Variants in KCTD19 observed in about 807,000 individuals in gnomAD.
KCTD19 encodes BTB/POZ domain-containing protein KCTD19.
KCTD19 carries 67 observed loss-of-function variants against 103.5 expected under a neutral mutation model. That is an observed-to-expected ratio of 0.65 (90% confidence interval 0.53 to 0.79). The LOEUF is 0.79. Ranked by LOEUF, KCTD19 falls within the 30% of genes least tolerant of loss-of-function variation. KCTD19 has a pLI of 0.00. For missense variants in KCTD19, 980 were observed against 1,136.1 expected (o/e 0.86, Z 1.98); for synonymous variants, 439 against 452.2 (o/e 0.97, Z 0.37).
intron 4 of KCTD19, 101 bp from the exon 5 acceptor site, chr16:67,302,023 G>A: frequency 9.5e-7 from 1 of 1,047,122 alleles, no homozygotes; most frequent in Non-Finnish European, 1.4e-6. Flanking sequence ...CTTATCCTAG[G>A]TTCTCCTTGT....
chr16:67,296,544 G>A (rs1286115359), intron 7 of KCTD19, among the ~76,000 whole-genome samples: 2 of 152,136 alleles, frequency 1.3e-5, no homozygotes, highest in South Asian at 2.1e-4. Context: ...AGCTGCCTCC[G>A]GTTTCTGGTT....
intron 6 of KCTD19, among the ~76,000 whole-genome samples, chr16:67,298,376 T>C (rs2036792631): frequency 6.6e-6 from 1 of 152,100 alleles, no homozygotes; most frequent in Admixed American, 6.6e-5. Flanking sequence ...GAGCTGAGCT[T>C]GACTTATTTC....
intron 2 of KCTD19, among the ~76,000 whole-genome samples, chr16:67,315,269 C>T (rs920798944): frequency 1.3e-5 from 2 of 151,240 alleles, no homozygotes; most frequent in Admixed American, 6.6e-5. Context: ...AGTGGGCCAA[C>T]GAGCCACTAT....
chr16:67,307,745 G>A (rs1327386588), intron 2 of KCTD19, among the ~76,000 whole-genome samples: 1 of 152,064 alleles, frequency 6.6e-6, no homozygotes, highest in African/African-American at 2.4e-5. Flanking sequence ...TGAACCACTG[G>A]GCCAGACCCA....
In KCTD19 at chr16:67,303,249, G is replaced by T. The variant is rs1329161068; in HGVS notation, c.540C>A (p.Asp180Glu). 6.2e-7 allele frequency: 1 copy of T among 1,614,122 alleles called. No homozygotes were observed. Among genetic ancestry groups the T allele is most frequent in the Admixed American group, 1.7e-5 (1 of 60,020 alleles). Residue 180 changes from aspartate (D) to glutamate (E), a missense_variant, in exon 4 of 16, where the codon GAC becomes GAA. Asp to Glu is a conservative substitution (Grantham distance 45). Transcript: ENST00000304372. The surrounding 1 kb of genome is among the most constrained non-coding windows in gnomAD (Gnocchi z 4.3). Reference protein sequence around the residue: ...EEVHYCFLPLDLVAKYPSLVT... With the variant: ...EEVHYCFLPLELVAKYPSLVT... ...CTAGGCTGGGATATTTGGCCACCAG[G>T]TCTAGGGGCAGGAAGCAGTAGTGCA...
Position 67,320,802 on chromosome 16 carries a change from G to C in KCTD19, c.87C>G (p.Ser29Arg). ...GGGAGTCTGGAAACTGAGAGAGTTT[G>C]CTTCTGGGAACTGAGAAATGCCAGC... ...VGGWHFSVPRSKLSQFPDSLL... is the reference protein window; with the variant it reads ...VGGWHFSVPRRKLSQFPDSLL... Residue 29 changes from serine to arginine, a missense_variant, in exon 2 of 16, where the codon AGC becomes AGG. Transcript: ENST00000304372. This position sits in a 1 kb window ranked among gnomAD's most constrained non-coding sequence, Gnocchi z 4.0. 1 of 1,614,156 alleles carries C rather than the reference G, an allele frequency of 6.2e-7. No individual in the cohort carries two copies.
chr16:67,297,424 T>A, intron 7 of KCTD19, 79 bp downstream of exon 7: 1 of 1,413,964 alleles, frequency 7.1e-7, no homozygotes, highest in Non-Finnish European at 9.8e-7. Context: ...TTCCTCGTCC[T>A]GGCCACATCA....
chr16:67,321,251 A>T (rs2037070078), intron 1 of KCTD19, among the ~76,000 whole-genome samples: 1 of 152,238 alleles, frequency 6.6e-6, no homozygotes, highest in Non-Finnish European at 1.5e-5. Flanking sequence ...AATATTTAAA[A>T]ATGTTGTATT....
In KCTD19 at chr16:67,293,772, C is replaced by T. The variant is rs756647138; in HGVS notation, c.1990G>A (p.Glu664Lys). ...AAGGGGAGCTGCAGGGTGGCCTCCT[C>T]CAAGGGGCTGCTCCGTGTGGCTGTC... The part of the protein sequence containing the change: ...PLTATRSSPL[E>K]EATLQLPLGS... Residue 664 changes from glutamate to lysine, a missense_variant, in exon 12 of 16, where the codon GAG (glutamate) becomes AAG (lysine). Physicochemically the swap from Glu to Lys is moderately conservative, Grantham distance 56 (BLOSUM62 1). Coordinates refer to ENST00000304372, the MANE Select transcript of KCTD19 (RefSeq NM_001100915.3). This position sits in a 1 kb window ranked among gnomAD's most constrained non-coding sequence, Gnocchi z 4.0. The T allele has an allele frequency of 1.2e-5, 19 of 1,613,774 alleles. No individual in the cohort carries two copies. The highest frequency in any genetic ancestry group is 1.6e-5 in the Non-Finnish European group (19 of 1,180,038).
In KCTD19 at chr16:67,295,063, A is replaced by C; in HGVS notation, c.1392-7T>G. 1.9e-6 allele frequency: 3 copies of C among 1,612,980 alleles called. No homozygotes were observed. Among genetic ancestry groups the C allele is most frequent in the Non-Finnish European group, 2.5e-6 (3 of 1,178,982 alleles). The stretch of plus-strand genomic sequence containing the variant: ...GCAGAAGAGGGGCCATTCCCTGCAA[A>C]CAACAAGGAGATATCCAGCTGGGCA... On this transcript the variant is annotated splice_polypyrimidine_tract_variant and splice_region_variant and intron_variant, in intron 9 of 15. Coordinates refer to ENST00000304372, the MANE Select transcript of KCTD19 (RefSeq NM_001100915.3).
Position 67,302,025 on chromosome 16 carries a change from T to C in KCTD19, c.644-103A>G. On this transcript the variant is annotated intron_variant, in intron 4 of 15. Coordinates refer to ENST00000304372, the MANE Select transcript of KCTD19 (RefSeq NM_001100915.3). ...TCTGGTGCTGTAACTTATCCTAGGT[T>C]CTCCTTGTTCTGAAACAACTTATCA... 2.9e-6 allele frequency: 3 copies of C among 1,044,248 alleles called. No homozygotes were observed. The South Asian group carries it at 4.3e-5, about 15-fold the overall frequency. The allele number at this position is 1,044,248 out of a possible 1,614,324, so 64.7% of individuals were successfully genotyped here.
chr16:67,289,811 G>A (rs1393569199), intron 15 of KCTD19, 129 bp from the exon 16 acceptor site: 5 of 641,376 alleles, frequency 7.8e-6, no homozygotes, highest in Non-Finnish European at 1.4e-5. Flanking sequence ...TGATGCTCTA[G>A]GGCCCAGCTC....
At position 67,301,799 on chromosome 16, in the gene KCTD19, A is replaced by G; in HGVS notation, c.767T>C (p.Met256Thr). The change falls in exon 5 of 16, where the codon ATG becomes ACG. Residue 256 changes from methionine to threonine, a missense_variant. Coordinates refer to ENST00000304372, the MANE Select transcript of KCTD19 (RefSeq NM_001100915.3). ...GTTTCCTGGCGACATACCCATGTTCATCCGGTACCACCTTACGGCTTCAGT... is the reference window on the plus strand; with the variant it reads ...GTTTCCTGGCGACATACCCATGTTCGTCCGGTACCACCTTACGGCTTCAGT... ...ALTEAVRWYRMNMGGCSPTTC... is the reference protein window; with the variant it reads ...ALTEAVRWYRTNMGGCSPTTC... The G allele has an allele frequency of 6.2e-7, 1 of 1,614,066 alleles. No individual in the cohort carries two copies. Among genetic ancestry groups the G allele is most frequent in the Non-Finnish European group, 8.5e-7 (1 of 1,179,958 alleles).
chr16:67,303,136 G>T lies in KCTD19; in HGVS notation c.643+10C>A. The T allele has an allele frequency of 6.3e-7, 1 of 1,588,856 alleles. No individual in the cohort carries two copies. The highest frequency in any genetic ancestry group is 8.6e-7 in the Non-Finnish European group (1 of 1,163,874). ...CCCGCCCCCCACCCCACCCCGGACAGAGCAATCACCAATGAAGCGGAACTC... is the reference window on the plus strand; with the variant it reads ...CCCGCCCCCCACCCCACCCCGGACATAGCAATCACCAATGAAGCGGAACTC... On this transcript the variant is annotated intron_variant, in intron 4 of 15. Coordinates refer to ENST00000304372, the MANE Select transcript of KCTD19 (RefSeq NM_001100915.3). This position sits in a 1 kb window ranked among gnomAD's most constrained non-coding sequence, Gnocchi z 4.3.
In KCTD19 at chr16:67,289,590, T is replaced by G; in HGVS notation, c.2760A>C (p.Gly920=). The G allele has an allele frequency of 6.2e-7, 1 of 1,613,276 alleles. No individual in the cohort carries two copies. ...LSRSVSYSIL[G]KYLQED ...CACCCTAGTCCTCTTGTAGGTACTT[T>G]CCCAGGATGGAGTAAGAGACAGACC... is the stretch of plus-strand genomic sequence containing the variant. Residue 920 remains glycine, a synonymous_variant, in exon 16 of 16, where the codon GGA becomes GGC. Transcript: ENST00000304372.
Position 67,297,676 on chromosome 16 carries a change from A to G in KCTD19, c.987-13T>C. On this transcript the variant is annotated splice_polypyrimidine_tract_variant and intron_variant, in intron 6 of 15. Coordinates refer to ENST00000304372, the MANE Select transcript of KCTD19 (RefSeq NM_001100915.3). ...CCCCAGCCAGTTCCTGCCCAGAGGA[A>G]AGGTCTGTCATGAAGAACATCAGCA... The G allele has an allele frequency of 6.2e-7, 1 of 1,612,702 alleles. No individual in the cohort carries two copies. The highest frequency in any genetic ancestry group is 1.1e-5 in the South Asian group (1 of 90,976).
rs534059140 is a variant in KCTD19 at position 67,299,560 on chromosome 16, C to T, written c.789G>A (p.Pro263=). The part of the protein sequence containing the change: ...WYRMNMGGCS[P]TTCSPLSPGK... ...CGGGGCTCAGGGGAGAACAGGTGGT[C>T]GGGGAACAGCCACCTGTGTCAGAGA... Residue 263 remains proline (P), a synonymous_variant, in exon 6 of 16, where the codon CCG becomes CCA. Coordinates refer to ENST00000304372, the MANE Select transcript of KCTD19 (RefSeq NM_001100915.3). The T allele has an allele frequency of 1.7e-5, 28 of 1,612,034 alleles. No individual in the cohort carries two copies. Among genetic ancestry groups the T allele is most frequent in the Middle Eastern group, 1.6e-4 (1 of 6,062 alleles).
chr16:67,295,361 T>C lies in KCTD19; in HGVS notation c.1293A>G (p.Thr431=). 2 of 1,614,170 alleles carry C rather than the reference T, an allele frequency of 1.2e-6. No homozygotes were observed. Among genetic ancestry groups the C allele is most frequent in the Non-Finnish European group, 1.7e-6 (2 of 1,179,994 alleles). ...CGTGGATGAGCAGGGTTTGTCCATA[T>C]GTGATCCAGTACACTCTCTGAGGGT... ...LSNPQRVYWI[T]YGQTLLIHGD... Residue 431 remains threonine, a synonymous_variant, in exon 9 of 16, where the codon ACA becomes ACG. Transcript: ENST00000304372.
At chr16:67,314,818 TATATATATATATAGAGAGAGAGAGAG>T (rs1413330632) in intron 2 of KCTD19, among the ~76,000 whole-genome samples, 1 of 99,172 alleles carries the variant, frequency 1.0e-5, no homozygotes, top group Admixed American at 1.0e-4. Context: ...TATATATATA[TATATATATATATAGAGAGAGAGAGAG>T]AGAGAGAGAG....
Sources: allele counts gnomAD v4.1 joint callset (sites outside exome capture counted in the v4.1 genomes callset), GRCh38; gene constraint gnomAD v4.1.1; non-coding constraint Gnocchi (gnomAD v3.1); transcripts MANE v1.5; gene names NCBI Gene and HGNC (gene_info 2026-07-23, HGNC 2026-07-21).